JUP: variants seen among roughly 807,000 people sequenced by gnomAD.
JUP encodes the protein catenin (cadherin-associated protein), gamma 80kDa.
In JUP, 28 loss-of-function variants were observed where a neutral mutation model predicts 71.1. That is an observed-to-expected ratio of 0.39 (90% CI 0.29 to 0.54). JUP has a LOEUF of 0.54. JUP is among the 20% of genes least tolerant of loss of function. The pLI, the probability that JUP is intolerant of heterozygous loss-of-function variation, is 0.62. For missense variants in JUP, 869 were observed against 1,030.1 expected (o/e 0.84, Z 2.14); for synonymous variants, 401 against 438.9 (o/e 0.91, Z 1.08).
In JUP at chr17:41,756,136, AG is replaced by A. The variant is rs1555597677; in HGVS notation, c.2086+38del. 18 of 1,602,726 alleles carry A rather than the reference AG, an allele frequency of 1.1e-5. 1 individual carries two copies. In the South Asian group the frequency reaches 2.0e-4, roughly 18 times the overall value. On this transcript the variant is annotated intron_variant, in intron 13 of 13. Coordinates refer to ENST00000393931, the MANE Select transcript of JUP (RefSeq NM_002230.4). Reference sequence around the variant, plus strand: ...CTCACACACACCCACACAGCCGCCCAGGATCTCCAGGGTCCTGAAGAGCCCG... The same window carrying A: ...CTCACACACACCCACACAGCCGCCCAGATCTCCAGGGTCCTGAAGAGCCCG...
At chr17:41,761,630 A>G (rs2143521702) in intron 8 of JUP, among the ~76,000 whole-genome samples, 1 of 152,012 alleles carries the variant, frequency 6.6e-6, no homozygotes, top group Middle Eastern at 3.4e-3. Context: ...TAACCAACAT[A>G]GAGAAATCCC....
At position 41,763,124 on chromosome 17, in the gene JUP, C is replaced by T. The variant is rs555082435; in HGVS notation, c.1356G>A (p.Thr452=). ...GGCGCAGAGCGCAGACGGCAGGCTC[C>T]GTGATGTCGTCCTTGTCACCAGCAC... is the stretch of plus-strand genomic sequence containing the variant. ...ILRAGDKDDI[T]EPAVCALRHL... is the part of the protein sequence containing the mutation. The change falls in exon 8 of 14, where the codon ACG becomes ACA. Residue 452 remains threonine, a synonymous_variant. Coordinates refer to ENST00000393931, the MANE Select transcript of JUP (RefSeq NM_002230.4). 6 of 1,614,208 alleles carry T rather than the reference C, an allele frequency of 3.7e-6. No individual in the cohort carries two copies. The highest frequency in any genetic ancestry group is 1.1e-5 in the South Asian group (1 of 91,084).
intron 7 of JUP, 77 bp from the exon 8 acceptor site, chr17:41,763,398 G>A: frequency 1.8e-6 from 2 of 1,115,398 alleles, no homozygotes; most frequent in South Asian, 1.3e-5. Flanking sequence ...TCCAAGGGGA[G>A]TGGGATGACC....
At chr17:41,765,237 T>C (rs1396385044) in intron 5 of JUP, among the ~76,000 whole-genome samples, 170 bp from the exon 6 acceptor site, 4 of 152,244 alleles carry the variant, frequency 2.6e-5, no homozygotes, top group Non-Finnish European at 5.9e-5. Flanking sequence ...GGTCTCACTA[T>C]GCTGCCCAGG....
rs143502391 is a variant in JUP, at chr17:41,769,104, C to A, written c.572G>T (p.Arg191Leu). Residue 191 changes from arginine (R) to leucine (L), a missense_variant, in exon 4 of 14, where the codon CGT becomes CTT. By Grantham distance (102) the Arg-to-Leu change is moderately radical. Coordinates refer to ENST00000393931, the MANE Select transcript of JUP (RefSeq NM_002230.4). ...GSPQLVAAVV[R>L]TMQNTSDLDT... Reference sequence around the variant, plus strand: ...CAGGTCGCTGGTATTCTGCATGGTACGCACGACAGCGGCCACCAGCTGGGG... The same window carrying A: ...CAGGTCGCTGGTATTCTGCATGGTAAGCACGACAGCGGCCACCAGCTGGGG... 3 of 1,612,112 alleles carry A rather than the reference C, an allele frequency of 1.9e-6. No homozygotes were observed. Among genetic ancestry groups the A allele is most frequent in the Admixed American group, 1.7e-5 (1 of 59,978 alleles).
intron 8 of JUP, among the ~76,000 whole-genome samples, chr17:41,761,551 C>T (rs1281411374): frequency 6.6e-6 from 1 of 152,068 alleles, no homozygotes; most frequent in Non-Finnish European, 1.5e-5. Flanking sequence ...GTGGCTCACA[C>T]CTGTAATCCT....
intron 5 of JUP, among the ~76,000 whole-genome samples, chr17:41,766,307 G>GA (rs1567814286): frequency 1.4e-5 from 2 of 147,986 alleles, no homozygotes; most frequent in Non-Finnish European, 3.0e-5. Context: ...GGAAGAGAGG[G>GA]AAAGGAAAAG....
rs1555599676 is a variant in JUP at position 41,758,718 on chromosome 17, G to A, written c.1650C>T (p.Tyr550=). ...RHVAAGTQQP[Y]TDGVRMEEIV... is the part of the protein sequence containing the mutation. ...GAGGCACCACCAGCTCACATACCGTGTAGGGCTGCTGTGTGCCTGCAGCTA... is the reference window on the plus strand; with the variant it reads ...GAGGCACCACCAGCTCACATACCGTATAGGGCTGCTGTGTGCCTGCAGCTA... Residue 550 remains tyrosine (Y), a synonymous_variant, in exon 9 of 14, where the codon TAC becomes TAT. Transcript: ENST00000393931. 4 of 1,600,040 alleles carry A rather than the reference G, an allele frequency of 2.5e-6. No homozygotes were observed. Among genetic ancestry groups the A allele is most frequent in the East Asian group, 2.3e-5 (1 of 44,072 alleles).
rs1555596785 is a variant in JUP, at chr17:41,755,145, C to T, written c.*599G>A. 1.0e-5 allele frequency: 4 copies of T among 397,778 alleles called. No homozygotes were observed. The highest frequency in any genetic ancestry group is 1.8e-5 in the Non-Finnish European group (4 of 226,116). The allele number at this position is 397,778 out of a possible 1,614,324, so 24.6% of individuals were successfully genotyped here. The stretch of plus-strand genomic sequence containing the variant: ...CCTTCCGGGCCCAGGCAGCTGGAGA[C>T]AGGGAGGCTGGAGGTTTGGAGGGGC... On this transcript the variant is annotated 3_prime_UTR_variant, in exon 14 of 14. Coordinates refer to ENST00000393931, the MANE Select transcript of JUP (RefSeq NM_002230.4).
At chr17:41,765,253 C>G (rs1486422862) in intron 5 of JUP, among the ~76,000 whole-genome samples, 186 bp from the exon 6 acceptor site, 9 of 152,110 alleles carry the variant, frequency 5.9e-5, no homozygotes, top group African/African-American at 1.7e-4. Context: ...CCAGGCTGGT[C>G]TAGAACTCCT....
In JUP at chr17:41,755,681, A is replaced by C. The variant is rs1167232678; in HGVS notation, c.*63T>G. The C allele has an allele frequency of 1.7e-5, 25 of 1,440,566 alleles. No individual in the cohort carries two copies. The highest frequency in any genetic ancestry group is 1.2e-4 in the South Asian group (8 of 68,022). 89.2% of individuals were successfully genotyped at this position (1,440,566 alleles called of 1,614,324 possible). On this transcript the variant is annotated 3_prime_UTR_variant, in exon 14 of 14. Transcript: ENST00000393931. ...GCGGGGAGATGGGAGGGCCTCCAAC[A>C]GAAGGAGGTTCTAGAGAGGAGGAAA...
At position 41,762,992 on chromosome 17, in the gene JUP, T is replaced by C. The variant is rs1285508373; in HGVS notation, c.1488A>G (p.Pro496=). Residue 496 remains proline, a synonymous_variant, in exon 8 of 14, where the codon CCA becomes CCG. Coordinates refer to ENST00000393931, the MANE Select transcript of JUP (RefSeq NM_002230.4). ...CGCCTAACAGCAGTACCTTGACCAG[T>C]GGCCACTGGTTGGGCTGGTTGAGCA... The part of the protein sequence containing the change: ...VKLLNQPNQW[P]LVKATIGLIR... The C allele has an allele frequency of 3.1e-6, 5 of 1,613,952 alleles. No individual in the cohort carries two copies. Among genetic ancestry groups the C allele is most frequent in the Non-Finnish European group, 4.2e-6 (5 of 1,180,000 alleles).
At chr17:41,780,721 A>C (rs1376542015) in intron 1 of JUP, among the ~76,000 whole-genome samples, 3 of 151,320 alleles carry the variant, frequency 2.0e-5, no homozygotes, top group African/African-American at 7.3e-5. Context: ...AAAAAAAAGA[A>C]AGAAAAGAGA....
At chr17:41,770,112 C>G (rs1273499498) in intron 2 of JUP, among the ~76,000 whole-genome samples, 3 of 152,146 alleles carry the variant, frequency 2.0e-5, no homozygotes, top group Non-Finnish European at 2.9e-5. Flanking sequence ...CTCCCTTACC[C>G]ATCAGGTCTG....
Position 41,765,080 on chromosome 17 carries a change from A to G in JUP, c.910-13T>C. 2 of 1,613,576 alleles carry G rather than the reference A, an allele frequency of 1.2e-6. No individual in the cohort carries two copies. Among genetic ancestry groups the G allele is most frequent in the Non-Finnish European group, 1.7e-6 (2 of 1,179,504 alleles). ...CCAGGATGATCAGCTATGGGTAAAG[A>G]GGGAATGAGTGTGAGATGGACGGGG... On this transcript the variant is annotated splice_polypyrimidine_tract_variant and intron_variant, in intron 5 of 13. Transcript: ENST00000393931.
rs1274677492 is a variant in JUP at position 41,778,735 on chromosome 17, C to A, written c.-8-6873G>T. Among the ~76,000 whole-genome samples, 5 of 149,780 alleles carry A rather than the reference C, an allele frequency of 3.3e-5. No individual in the cohort carries two copies. In the South Asian group the frequency reaches 8.4e-4, roughly 25 times the overall value. On this transcript the variant is annotated intron_variant, in intron 1 of 13. Coordinates refer to ENST00000393931, the MANE Select transcript of JUP (RefSeq NM_002230.4). The stretch of plus-strand genomic sequence containing the variant: ...GACCATACTGGCTAATACGGTGAAA[C>A]CTCATCTCTACTAAAAATATAAAAA...
rs781856967 is a variant in JUP at position 41,758,377 on chromosome 17, T to G, written c.1773+22A>C. The G allele has an allele frequency of 1.9e-6, 3 of 1,612,142 alleles. No individual in the cohort carries two copies. The African/African-American group carries it at 4.0e-5, about 22-fold the overall frequency. On this transcript the variant is annotated intron_variant, in intron 10 of 13. Coordinates refer to ENST00000393931, the MANE Select transcript of JUP (RefSeq NM_002230.4). Reference sequence around the variant, plus strand: ...TAAGCAGTGGTGGGGGGACCTCTCCTGCCCACCTGCCCCAGACTCACCTGC... The same window carrying G: ...TAAGCAGTGGTGGGGGGACCTCTCCGGCCCACCTGCCCCAGACTCACCTGC...
intron 1 of JUP, among the ~76,000 whole-genome samples, chr17:41,774,051 G>T (rs1203362609): frequency 6.6e-6 from 1 of 152,056 alleles, no homozygotes; most frequent in Non-Finnish European, 1.5e-5. Context: ...AGAGGGAAGC[G>T]GGCCTCACTC....
intron 1 of JUP, chr17:41,776,109 T>C (rs2046873346): frequency 2.7e-6 from 1 of 370,070 alleles, no homozygotes; most frequent in Admixed American, 6.4e-5. Flanking sequence ...CCAGAGGCCG[T>C]GCTGGAAGCA....
Sources: allele counts gnomAD v4.1 joint callset (sites outside exome capture counted in the v4.1 genomes callset), GRCh38; gene constraint gnomAD v4.1.1; transcripts MANE v1.5; gene names NCBI Gene and HGNC (gene_info 2026-07-23, HGNC 2026-07-21).